CYTH3: variants seen among roughly 807,000 people sequenced by gnomAD.
CYTH3 encodes the protein cytohesin-3.
A neutral mutation model predicts 55.1 loss-of-function variants in CYTH3; 23 were observed. That is an observed-to-expected ratio of 0.42 (90% CI 0.30 to 0.59). The LOEUF (loss-of-function observed/expected upper bound fraction) is 0.59, where lower values mean the gene tolerates loss of function less well. Ranked by LOEUF, CYTH3 falls within the 20% of genes least tolerant of loss-of-function variation. The pLI is 0.20. For missense variants in CYTH3, 413 were observed against 524.8 expected (o/e 0.79, Z 2.08); for synonymous variants, 249 against 194.9 (o/e 1.28, Z -2.31).
At position 6,217,265 on chromosome 7, in the gene CYTH3, G is replaced by C. The variant is rs566697602; in HGVS notation, c.35-26734C>G. On this transcript the variant is annotated intron_variant, in intron 1 of 12. Coordinates refer to ENST00000350796, the MANE Select transcript of CYTH3 (RefSeq NM_004227.4). ...TAAATATAAATGTTAAATATTAAAA[G>C]ATTGGCAGAGTAGAATTTAAAAATT... 2.0e-5 allele frequency among the ~76,000 whole-genome samples: 3 copies of C among 152,262 alleles called. No homozygotes were observed. In the East Asian group the frequency reaches 5.8e-4, roughly 29 times the overall value.
intron 1 of CYTH3, among the ~76,000 whole-genome samples, chr7:6,248,239 C>A (rs370431528): frequency 1.3e-5 from 2 of 150,160 alleles, no homozygotes; most frequent in South Asian, 4.2e-4. Context: ...CCCCAACCCC[C>A]CCCCAGCCAA....
chr7:6,170,522 G>C lies in CYTH3; in HGVS notation c.823+13C>G. 6.2e-7 allele frequency: 1 copy of C among 1,612,760 alleles called. No homozygotes were observed. Among genetic ancestry groups the C allele is most frequent in the South Asian group, 1.1e-5 (1 of 90,956 alleles). ...AGGGGTCACGCCCGGGTCCCGCTGG[G>C]CCGGCGGCTCACCCAGCTTCAGGAG... On this transcript the variant is annotated intron_variant, in intron 9 of 12. Transcript: ENST00000350796. The surrounding 1 kb of genome is among the most constrained non-coding windows in gnomAD (Gnocchi z 7.8).
chr7:6,268,891 T>C (rs891416988), intron 1 of CYTH3, among the ~76,000 whole-genome samples: 1 of 151,996 alleles, frequency 6.6e-6, no homozygotes, highest in African/African-American at 2.4e-5. Context: ...GAAATGATAA[T>C]ACAAAGATTA....
chr7:6,244,955 A>ATTTTTTTTTTTTTTT lies in CYTH3; in HGVS notation c.34+27504_34+27518dup, dbSNP rs887701278. ...AGTCACCCGCCACCACGCCCGGCTA[A>ATTTTTTTTTTTTTTT]TTTTTTTTTTTTTTTTTTTTTTTTT... is the stretch of plus-strand genomic sequence containing the variant. On this transcript the variant is annotated intron_variant, in intron 1 of 12. Coordinates refer to ENST00000350796, the MANE Select transcript of CYTH3 (RefSeq NM_004227.4). Among the ~76,000 whole-genome samples, 23 of 36,452 alleles carry ATTTTTTTTTTTTTTT rather than the reference A, an allele frequency of 6.3e-4. 2 individuals are homozygous for ATTTTTTTTTTTTTTT. Among genetic ancestry groups the ATTTTTTTTTTTTTTT allele is most frequent in the Middle Eastern group, 0.026 (1 of 38 alleles). The allele number at this position is 36,452 out of a possible 152,430, so 23.9% of individuals were successfully genotyped here.
At chr7:6,176,740 G>A (rs1167167830) in intron 5 of CYTH3, among the ~76,000 whole-genome samples, 1 of 152,138 alleles carries the variant, frequency 6.6e-6, no homozygotes, top group Non-Finnish European at 1.5e-5. Context: ...TCCTGGCAAG[G>A]CGTGCCAGCA....
chr7:6,209,565 C>T (rs1472569472), intron 1 of CYTH3, among the ~76,000 whole-genome samples: 1 of 152,198 alleles, frequency 6.6e-6, no homozygotes, highest in Non-Finnish European at 1.5e-5. Context: ...GGCAGTTTCT[C>T]TCCAAGCTCA....
chr7:6,197,460 A>G (rs1297583775), intron 1 of CYTH3, among the ~76,000 whole-genome samples: 1 of 152,224 alleles, frequency 6.6e-6, no homozygotes, highest in Non-Finnish European at 1.5e-5. Flanking sequence ...AAGTGGGCGG[A>G]TCACCTAAGG....
At chr7:6,225,632 A>G (rs1224417513) in intron 1 of CYTH3, among the ~76,000 whole-genome samples, 2 of 151,822 alleles carry the variant, frequency 1.3e-5, no homozygotes, top group African/African-American at 4.8e-5. Context: ...CTGGGATTAC[A>G]GGTATGAGCC....
chr7:6,195,959 G>A (rs2128545451), intron 1 of CYTH3, among the ~76,000 whole-genome samples: 1 of 152,284 alleles, frequency 6.6e-6, no homozygotes, highest in East Asian at 1.9e-4. Context: ...ACATGCTATT[G>A]GGTGGTCTGG....
At chr7:6,240,150 A>C (rs990883137) in intron 1 of CYTH3, among the ~76,000 whole-genome samples, 3 of 152,068 alleles carry the variant, frequency 2.0e-5, no homozygotes, top group African/African-American at 7.2e-5. Flanking sequence ...TACTAAAAAC[A>C]CAAAAATGAG....
chr7:6,265,524 C>T (rs900151078), intron 1 of CYTH3, among the ~76,000 whole-genome samples: 1 of 150,542 alleles, frequency 6.6e-6, no homozygotes, highest in Non-Finnish European at 1.5e-5. Flanking sequence ...GAGGCTGAGG[C>T]AGGAGAATCA....
chr7:6,171,424 T>C lies in CYTH3; in HGVS notation c.450-110A>G, dbSNP rs1783190200. ...GGACGTTTTCCTCCCGAGCCTGGGGTACAGCTCTGGCAGGGGCTTGGGGGC... is the reference window on the plus strand; with the variant it reads ...GGACGTTTTCCTCCCGAGCCTGGGGCACAGCTCTGGCAGGGGCTTGGGGGC... On this transcript the variant is annotated intron_variant, in intron 6 of 12. Coordinates refer to ENST00000350796, the MANE Select transcript of CYTH3 (RefSeq NM_004227.4). This position sits in a 1 kb window ranked among gnomAD's most constrained non-coding sequence, Gnocchi z 6.7. The C allele has an allele frequency of 1.1e-6, 1 of 930,544 alleles. No individual in the cohort carries two copies. The allele number at this position is 930,544 out of a possible 1,614,324, so 57.6% of individuals were successfully genotyped here. A position where few individuals can be genotyped will look rare whatever the true frequency, so the allele number is the denominator to read the frequency against.
At chr7:6,204,437 A>C (rs988627265) in intron 1 of CYTH3, among the ~76,000 whole-genome samples, 22 of 152,196 alleles carry the variant, frequency 1.4e-4, no homozygotes, top group Non-Finnish European at 1.8e-4. Context: ...GCAGTGAAGC[A>C]GAAGTCCTCG....
intron 1 of CYTH3, among the ~76,000 whole-genome samples, chr7:6,241,956 CTAA>C (rs1779683624): frequency 6.6e-6 from 1 of 152,088 alleles, no homozygotes; most frequent in South Asian, 2.1e-4. Flanking sequence ...AAAGAAGAAA[CTAA>C]TAATTATTTC....
At position 6,272,468 on chromosome 7, in the gene CYTH3, A is replaced by G; in HGVS notation, c.34+6T>C. On this transcript the variant is annotated splice_donor_region_variant and intron_variant, in intron 1 of 12. Transcript: ENST00000350796. ...CCGGCGAGCCCACCACACCTCCGAC[A>G]CTCACCGCCACCACCCTCGCCGCCG... 1 of 1,328,110 alleles carries G rather than the reference A, an allele frequency of 7.5e-7. No homozygotes were observed. Among genetic ancestry groups the G allele is most frequent in the Non-Finnish European group, 9.7e-7 (1 of 1,028,408 alleles). The allele number at this position is 1,328,110 out of a possible 1,614,324, so 82.3% of individuals were successfully genotyped here.
At chr7:6,220,574 C>CAA (rs1191450197) in intron 1 of CYTH3, among the ~76,000 whole-genome samples, 27 of 61,980 alleles carry the variant, frequency 4.4e-4, no homozygotes, top group East Asian at 9.5e-4. Context: ...CATCCTGTCT[C>CAA]AAAAAAAAAA....
At chr7:6,165,701 G>A in intron 10 of CYTH3, 33 bp downstream of exon 10, 2 of 1,613,610 alleles carry the variant, frequency 1.2e-6, no homozygotes, top group Non-Finnish European at 1.7e-6. Flanking sequence ...CGGGACTGCT[G>A]GGAGGCGGCA....
rs1562417457 is a variant in CYTH3 at position 6,259,768 on chromosome 7, T to TA, written c.34+12705dup. On this transcript the variant is annotated intron_variant, in intron 1 of 12. Transcript: ENST00000350796. ...AATATATATATATATTATATATATA[T>TA]ATATTATATATATATAATATATATA... Among the ~76,000 whole-genome samples the TA allele has an allele frequency of 2.9e-3, 71 of 24,318 alleles. 3 individuals carry two copies. Among genetic ancestry groups the TA allele is most frequent in the African/African-American group, 0.022 (57 of 2,560 alleles). 16.0% of individuals were successfully genotyped at this position (24,318 alleles called of 152,430 possible).
chr7:6,201,981 T>A (rs947724216), intron 1 of CYTH3, among the ~76,000 whole-genome samples: 1 of 151,934 alleles, frequency 6.6e-6, no homozygotes, highest in Non-Finnish European at 1.5e-5. Flanking sequence ...GGAAAAAAAA[T>A]CCAAATATAC....
Sources: allele counts gnomAD v4.1 joint callset (sites outside exome capture counted in the v4.1 genomes callset), GRCh38; gene constraint gnomAD v4.1.1; non-coding constraint Gnocchi (gnomAD v3.1); transcripts MANE v1.5; gene names NCBI Gene and HGNC (gene_info 2026-07-23, HGNC 2026-07-21).